The following PARN variants were observed in gnomAD, a reference collection of about 807,000 sequenced individuals.
PARN encodes poly(A)-specific ribonuclease PARN.
Under a neutral mutation model 102.8 loss-of-function variants are expected in PARN, and 71 were observed. That is an observed-to-expected ratio of 0.69 (90% CI 0.57 to 0.84). The LOEUF is 0.84. PARN is among the 40% of genes least tolerant of loss of function. The pLI, the probability that PARN is intolerant of heterozygous loss-of-function variation, is 0.00. For missense variants in PARN, 782 were observed against 760.9 expected (o/e 1.03, Z -0.33); for synonymous variants, 261 against 252.9 (o/e 1.03, Z -0.30).
At chr16:14,523,046 A>C (rs1394947452) in intron 21 of PARN, among the ~76,000 whole-genome samples, 1 of 152,198 alleles carries the variant, frequency 6.6e-6, no homozygotes, top group African/African-American at 2.4e-5. Context: ...TCAGAAGTAA[A>C]AGGATGAAAA....
At chr16:14,490,781 T>A (rs1436119133) in intron 21 of PARN, among the ~76,000 whole-genome samples, 1 of 152,194 alleles carries the variant, frequency 6.6e-6, no homozygotes, top group Non-Finnish European at 1.5e-5. Flanking sequence ...ATATATTAAA[T>A]ACAAAAGTTT....
chr16:14,589,796 G>C (rs536223183), intron 13 of PARN, among the ~76,000 whole-genome samples: 17 of 150,410 alleles, frequency 1.1e-4, no homozygotes, highest in African/African-American at 3.7e-4. Context: ...GAACCCAGGA[G>C]ACAGAGGTTG....
intron 6 of PARN, among the ~76,000 whole-genome samples, chr16:14,614,834 GC>G: frequency 1.1e-5 from 1 of 89,394 alleles, no homozygotes; most frequent in African/African-American, 4.3e-5. Flanking sequence ...GGAAAGAAGA[GC>G]GAAACTGTCT....
chr16:14,576,672 G>A (rs1293098793), intron 18 of PARN, among the ~76,000 whole-genome samples: 2 of 152,188 alleles, frequency 1.3e-5, no homozygotes, highest in Non-Finnish European at 2.9e-5. Flanking sequence ...ATTTGCTGAG[G>A]AGACAGCCTC....
chr16:14,496,804 G>A (rs1350957834), intron 21 of PARN, among the ~76,000 whole-genome samples: 1 of 152,124 alleles, frequency 6.6e-6, no homozygotes, highest in Admixed American at 6.5e-5. Context: ...TTATAGGGAG[G>A]TTACTAAGCA....
chr16:14,438,563 C>T (rs949928988), intron 23 of PARN, among the ~76,000 whole-genome samples: 4 of 151,956 alleles, frequency 2.6e-5, no homozygotes, highest in African/African-American at 9.7e-5. Flanking sequence ...TCAAGTTGGA[C>T]CATTTTACTA....
chr16:14,557,638 T>G (rs1967780005), intron 18 of PARN, among the ~76,000 whole-genome samples: 1 of 151,852 alleles, frequency 6.6e-6, no homozygotes, highest in Non-Finnish European at 1.5e-5. Flanking sequence ...TACTGTTCTG[T>G]TAATGTCAGA....
intron 22 of PARN, among the ~76,000 whole-genome samples, chr16:14,457,783 GT>G (rs1185299207): frequency 1.8e-5 from 2 of 113,322 alleles, no homozygotes; most frequent in Non-Finnish European, 3.4e-5. Context: ...GGGGGACACA[GT>G]GAGACTCTGT....
At chr16:14,509,363 G>C (rs1347178439) in intron 21 of PARN, among the ~76,000 whole-genome samples, 2 of 152,198 alleles carry the variant, frequency 1.3e-5, no homozygotes, top group Non-Finnish European at 2.9e-5. Context: ...AGGAGCTACT[G>C]AGCTGGAGGT....
At chr16:14,452,538 T>C (rs1000446142) in intron 22 of PARN, among the ~76,000 whole-genome samples, 3 of 152,208 alleles carry the variant, frequency 2.0e-5, no homozygotes, top group African/African-American at 7.2e-5. Context: ...GGTTTCACCA[T>C]GTTGGCCAGG....
chr16:14,497,542 G>C (rs988291955), intron 21 of PARN, among the ~76,000 whole-genome samples: 3 of 152,154 alleles, frequency 2.0e-5, no homozygotes, highest in Non-Finnish European at 4.4e-5. Flanking sequence ...GCAACTTGTT[G>C]GGCTGTTTAT....
chr16:14,604,120 C>A (rs756739963), intron 11 of PARN, 26 bp downstream of exon 11: 1 of 1,412,738 alleles, frequency 7.1e-7, no homozygotes, highest in East Asian at 2.3e-5. Context: ...TTTCTCACCC[C>A]CCAAGAATTA....
At chr16:14,477,800 A>G (rs1205368731) in intron 22 of PARN, among the ~76,000 whole-genome samples, 1 of 151,872 alleles carries the variant, frequency 6.6e-6, no homozygotes, top group Admixed American at 6.6e-5. Flanking sequence ...GAAAAGGGAA[A>G]AGGGGGAAGG....
At chr16:14,543,635 T>C (rs774831206) in intron 21 of PARN, among the ~76,000 whole-genome samples, 22 of 152,176 alleles carry the variant, frequency 1.4e-4, no homozygotes, top group Non-Finnish European at 2.9e-4. Flanking sequence ...TTAAAAGTTA[T>C]GGATAGATAT....
chr16:14,578,691 T>C (rs972759552), intron 18 of PARN: 3 of 152,116 alleles, frequency 2.0e-5, no homozygotes, highest in Non-Finnish European at 2.9e-5. Flanking sequence ...ACAGTTCTTA[T>C]TTTGTATTTC....
intron 13 of PARN, among the ~76,000 whole-genome samples, chr16:14,592,960 A>AC (rs1970285716): frequency 6.6e-6 from 1 of 151,972 alleles, no homozygotes; most frequent in Non-Finnish European, 1.5e-5. Context: ...ATATGGTGAA[A>AC]CCCCATCTCT....
At chr16:14,583,805 T>A (rs1489030864) in intron 16 of PARN, among the ~76,000 whole-genome samples, 1 of 152,202 alleles carries the variant, frequency 6.6e-6, no homozygotes, top group African/African-American at 2.4e-5. Context: ...GCTCTCCACA[T>A]ACCTTGGTGG....
chr16:14,508,211 C>A (rs909179648), intron 21 of PARN, among the ~76,000 whole-genome samples: 12 of 150,794 alleles, frequency 8.0e-5, no homozygotes, highest in African/African-American at 2.9e-4. Context: ...TAGATAGATA[C>A]ATGGATAGAT....
intron 19 of PARN, among the ~76,000 whole-genome samples, 193 bp from the exon 20 acceptor site, chr16:14,554,344 A>T (rs1967522028): frequency 6.6e-6 from 1 of 152,206 alleles, no homozygotes; most frequent in South Asian, 2.1e-4. Context: ...AGGTTCTGAT[A>T]CTTTACAGAA....
Sources: allele counts gnomAD v4.1 joint callset (sites outside exome capture counted in the v4.1 genomes callset), GRCh38; gene constraint gnomAD v4.1.1; transcripts MANE v1.5; gene names NCBI Gene and HGNC (gene_info 2026-07-23, HGNC 2026-07-21).